DLGAP1: variants seen among roughly 807,000 people sequenced by gnomAD.
DLGAP1 encodes the protein DLG associated protein 1.
In DLGAP1, 11 loss-of-function variants were observed where a neutral mutation model predicts 90.8. That is an observed-to-expected ratio of 0.12 (90% CI 0.08 to 0.20). The LOEUF (loss-of-function observed/expected upper bound fraction) is 0.20. DLGAP1 is among the 10% of genes least tolerant of loss of function. The pLI is 1.00. For missense variants in DLGAP1, 1,050 were observed against 1,333.8 expected, an observed-to-expected ratio of 0.79 and a Z score of 3.31; for synonymous variants, 558 against 540.7, an observed-to-expected ratio of 1.03 and a Z score of -0.44.
intron 1 of DLGAP1, among the ~76,000 whole-genome samples, chr18:4,250,149 G>A (rs149403142): frequency 1.3e-5 from 2 of 152,152 alleles, no homozygotes; most frequent in Non-Finnish European, 2.9e-5. Context: ...TGGGGAGACT[G>A]CTTTTTTCTC....
intron 2 of DLGAP1, among the ~76,000 whole-genome samples, chr18:4,045,046 T>C (rs2075028323): frequency 6.6e-6 from 1 of 152,050 alleles, no homozygotes; most frequent in Non-Finnish European, 1.5e-5. Flanking sequence ...AAAGACAAGT[T>C]ATAATCATAA....
chr18:4,004,859 G>C (rs756877313), intron 3 of DLGAP1, among the ~76,000 whole-genome samples: 1 of 151,332 alleles, frequency 6.6e-6, no homozygotes, highest in Non-Finnish European at 1.5e-5. Context: ...CTATATTATG[G>C]TTCCATAAAA....
intron 1 of DLGAP1, among the ~76,000 whole-genome samples, chr18:4,227,849 G>A (rs2078224259): frequency 1.3e-5 from 2 of 151,010 alleles, no homozygotes; most frequent in African/African-American, 4.9e-5. Flanking sequence ...TAATAATAAA[G>A]GTTAGAGCAA....
chr18:3,842,327 G>A (rs1488933066), intron 4 of DLGAP1, among the ~76,000 whole-genome samples: 1 of 152,170 alleles, frequency 6.6e-6, no homozygotes, highest in Non-Finnish European at 1.5e-5. Flanking sequence ...TCTAAGTCAT[G>A]TTTAAAAGTT....
At chr18:4,329,455 AT>A (rs1034976361) in intron 1 of DLGAP1, among the ~76,000 whole-genome samples, 20 of 151,944 alleles carry the variant, frequency 1.3e-4, no homozygotes, top group African/African-American at 4.6e-4. Flanking sequence ...TCTGTTTAAA[AT>A]TTTGTTTAAT....
chr18:3,602,255 C>T (rs1417424336), intron 7 of DLGAP1, among the ~76,000 whole-genome samples: 1 of 152,152 alleles, frequency 6.6e-6, no homozygotes, highest in African/African-American at 2.4e-5. Flanking sequence ...ATTTCCCACC[C>T]ACCAGATAAC....
rs962829386 is a variant in DLGAP1, at chr18:3,879,520, C to T, written c.549G>A (p.Lys183=). The T allele has an allele frequency of 2.5e-6, 4 of 1,602,400 alleles. No individual in the cohort carries two copies. Among genetic ancestry groups the T allele is most frequent in the South Asian group, 2.2e-5 (2 of 90,930 alleles). Residue 183 remains lysine, a synonymous_variant, in exon 4 of 13, where the codon AAG becomes AAA. Transcript: ENST00000315677. This position sits in a 1 kb window ranked among gnomAD's most constrained non-coding sequence, Gnocchi z 6.6. ...AQAARYGKRS[K]SKERRAEPKA... ...TGGGCTCCGCGCGCCGCTCCTTGCT[C>T]TTGCTGCGTTTGCCATAGCGCGCCG...
chr18:3,899,137 TAAG>T (rs1167980770), intron 3 of DLGAP1, among the ~76,000 whole-genome samples: 2 of 152,102 alleles, frequency 1.3e-5, no homozygotes, highest in South Asian at 2.1e-4. Context: ...GTGAAAGAAA[TAAG>T]GAGGGGGAAA....
chr18:4,319,648 T>C (rs183927983), intron 1 of DLGAP1, among the ~76,000 whole-genome samples: 3 of 152,254 alleles, frequency 2.0e-5, no homozygotes, highest in African/African-American at 7.2e-5. Flanking sequence ...TTGAAAAGGC[T>C]CAAATCTACT....
chr18:3,647,175 A>G (rs902179293), intron 7 of DLGAP1, among the ~76,000 whole-genome samples: 5 of 151,722 alleles, frequency 3.3e-5, no homozygotes, highest in African/African-American at 1.2e-4. Flanking sequence ...AATCGCTTGA[A>G]CCTGGGAGGC....
At chr18:4,056,713 G>C (rs1444267228) in intron 2 of DLGAP1, among the ~76,000 whole-genome samples, 1 of 152,086 alleles carries the variant, frequency 6.6e-6, no homozygotes, top group Non-Finnish European at 1.5e-5. Flanking sequence ...AAGACCCTAG[G>C]AGCCACCTAG....
chr18:4,366,291 AT>A (rs2081764887), intron 1 of DLGAP1, among the ~76,000 whole-genome samples: 3 of 152,148 alleles, frequency 2.0e-5, no homozygotes, highest in African/African-American at 7.2e-5. Context: ...GGAATTGGAA[AT>A]TTTGAACCAT....
chr18:4,393,166 TTTG>T (rs1465821586), intron 1 of DLGAP1, among the ~76,000 whole-genome samples: 5 of 152,196 alleles, frequency 3.3e-5, no homozygotes, highest in East Asian at 1.9e-4. Context: ...CTTGAACAAT[TTTG>T]TTGATTGCCT....
chr18:4,018,591 A>G (rs557138438), intron 2 of DLGAP1, among the ~76,000 whole-genome samples: 1 of 152,362 alleles, frequency 6.6e-6, no homozygotes, highest in Non-Finnish European at 1.5e-5. Context: ...TTCCCATGTA[A>G]CCTGCATATA....
At chr18:3,846,172 T>G (rs1388847268) in intron 4 of DLGAP1, among the ~76,000 whole-genome samples, 1 of 151,938 alleles carries the variant, frequency 6.6e-6, no homozygotes, top group Admixed American at 6.6e-5. Flanking sequence ...TTTACTAAAA[T>G]CCAGCTTTAC....
rs1246818939 is a variant in DLGAP1 at position 3,525,542 on chromosome 18, T to G, written c.2479+8652A>C. Among the ~76,000 whole-genome samples the G allele has an allele frequency of 5.3e-5, 8 of 152,066 alleles. No individual in the cohort carries two copies. In the South Asian group the frequency reaches 1.4e-3, roughly 28 times the overall value. ...AGCCTCCCGAGTAGCTGGGATTACA[T>G]GCATGCACCACCAAGCCCAGCTAAT... On this transcript the variant is annotated intron_variant, in intron 10 of 12. Transcript: ENST00000315677.
chr18:3,968,401 A>C (rs750558367), intron 3 of DLGAP1, among the ~76,000 whole-genome samples: 5 of 152,162 alleles, frequency 3.3e-5, no homozygotes, highest in Admixed American at 1.3e-4. Flanking sequence ...ATCCCTATTA[A>C]TCAGTGTGTC....
At chr18:4,076,548 A>G (rs1302494958) in intron 2 of DLGAP1, among the ~76,000 whole-genome samples, 6 of 152,186 alleles carry the variant, frequency 3.9e-5, no homozygotes, top group Non-Finnish European at 8.8e-5. Flanking sequence ...TTTGATTTAA[A>G]TACTTTAATC....
intron 2 of DLGAP1, among the ~76,000 whole-genome samples, chr18:4,082,863 G>A (rs2075631598): frequency 6.6e-6 from 1 of 151,864 alleles, no homozygotes; most frequent in Non-Finnish European, 1.5e-5. Flanking sequence ...CAGTCACATG[G>A]GGCCCCATGT....
Sources: gnomAD v4.1 joint callset for allele counts (sites outside exome capture counted in the v4.1 genomes callset) on GRCh38, gnomAD v4.1.1 for gene constraint, Gnocchi (gnomAD v3.1) non-coding constraint, MANE v1.5 for transcripts, NCBI Gene and HGNC (gene_info 2026-07-23, HGNC 2026-07-21) for gene names.